Variants in ARHGAP29 observed in about 807,000 individuals in gnomAD.
The protein encoded by ARHGAP29 is rho GTPase-activating protein 29.
In ARHGAP29, 43 loss-of-function variants were observed where a neutral mutation model predicts 122.6. The observed-to-expected ratio is 0.35, with a 90% CI of 0.27 to 0.45. ARHGAP29 has a LOEUF of 0.45. Ranked by LOEUF, ARHGAP29 falls within the 20% of genes least tolerant of loss-of-function variation. The pLI is 1.00. For missense variants in ARHGAP29, 1,303 were observed against 1,477.2 expected, an observed-to-expected ratio of 0.88 and a Z score of 1.93; for synonymous variants, 506 against 497.1, an observed-to-expected ratio of 1.02 and a Z score of -0.24.
At chr1:94,292,749 G>A in the ARHGAP29 span, among the ~76,000 whole-genome samples, 116 of 152,280 alleles carry the variant, frequency 7.6e-4, no homozygotes, top group African/African-American at 2.6e-3. Context: ...CTGGAGGTCC[G>A]CTCCAGACCG....
chr1:94,289,142 G>T, the ARHGAP29 span, among the ~76,000 whole-genome samples: 1 of 152,136 alleles, frequency 6.6e-6, no homozygotes, highest in African/African-American at 2.4e-5. Context: ...TCTTCCATTT[G>T]TTTGTGTCCT....
rs545976707 is a variant in ARHGAP29 at position 94,173,014 on chromosome 1, G to A, written c.*855C>T. On this transcript the variant is annotated 3_prime_UTR_variant, in exon 23 of 23. Coordinates refer to ENST00000260526, the MANE Select transcript of ARHGAP29 (RefSeq NM_004815.4). ...TGGTTTTAACCCAGACAAATCAAGA[G>A]GAAATGCACTGAATTCAAAAACTTC... 2 of 152,628 alleles carry A rather than the reference G, an allele frequency of 1.3e-5. No individual in the cohort carries two copies. The highest frequency in any genetic ancestry group is 3.9e-4 in the East Asian group (2 of 5,184). 9.5% of individuals were successfully genotyped at this position (152,628 alleles called of 1,614,324 possible).
At chr1:94,248,175 T>C (rs568813596) in intron 1 of ARHGAP29, 1 of 152,354 alleles carries the variant, frequency 6.6e-6, no homozygotes, top group East Asian at 1.9e-4. Flanking sequence ...CCCACTCTTT[T>C]CTGTCTTCAA....
intron 2 of ARHGAP29, among the ~76,000 whole-genome samples, chr1:94,225,028 T>C (rs756795125): frequency 3.3e-5 from 5 of 152,098 alleles, no homozygotes; most frequent in South Asian, 2.1e-4. Context: ...AAAAAGGTAA[T>C]CACAAAGGTT....
intron 12 of ARHGAP29, among the ~76,000 whole-genome samples, chr1:94,196,666 A>G (rs966590358): frequency 2.4e-4 from 36 of 152,176 alleles, no homozygotes; most frequent in Admixed American, 1.3e-4. Flanking sequence ...TTTAAGAGAA[A>G]TGTAATCATA....
upstream of ARHGAP29, among the ~76,000 whole-genome samples, chr1:94,241,372 T>C (rs11588844): frequency 0.88 from 134,420 of 152,092 alleles, 59,607 homozygotes; most frequent in Non-Finnish European, 0.92. Context: ...TCCCAGCACG[T>C]TGGGAGGCCG....
chr1:94,173,536 G>T lies in ARHGAP29; in HGVS notation c.*333C>A, dbSNP rs1648884169. ...TGATTTTCCCAAATTGCACCTATTAGTTGAGACTATATCATATATTAGGGA... is the reference window on the plus strand; with the variant it reads ...TGATTTTCCCAAATTGCACCTATTATTTGAGACTATATCATATATTAGGGA... On this transcript the variant is annotated 3_prime_UTR_variant, in exon 23 of 23. Transcript: ENST00000260526. The T allele has an allele frequency of 5.1e-6, 1 of 197,434 alleles. No homozygotes were observed. The highest frequency in any genetic ancestry group is 1.2e-4 in the East Asian group (1 of 8,674). 12.2% of individuals were successfully genotyped at this position (197,434 alleles called of 1,614,324 possible).
At chr1:94,291,029 C>G in the ARHGAP29 span, among the ~76,000 whole-genome samples, 6 of 152,094 alleles carry the variant, frequency 3.9e-5, no homozygotes, top group Admixed American at 3.9e-4. Flanking sequence ...GTTAAAGTCT[C>G]CCATTATTAT....
In ARHGAP29 at chr1:94,220,402, G is replaced by T. The variant is rs1289242907; in HGVS notation, c.206-10C>A. The T allele has an allele frequency of 2.0e-6, 3 of 1,536,124 alleles. No homozygotes were observed. Among genetic ancestry groups the T allele is most frequent in the Non-Finnish European group, 2.6e-6 (3 of 1,139,820 alleles). ...ACTTCTTTAAAACAGTCTTTAAAAA[G>T]AAAAAAAAATAATTTATTTCCAGAG... is the stretch of plus-strand genomic sequence containing the variant. On this transcript the variant is annotated splice_polypyrimidine_tract_variant and intron_variant, in intron 2 of 22. Transcript: ENST00000260526.
intron 2 of ARHGAP29, among the ~76,000 whole-genome samples, chr1:94,226,501 G>A (rs1476970147): frequency 2.0e-5 from 3 of 151,730 alleles, no homozygotes; most frequent in African/African-American, 7.3e-5. Flanking sequence ...AGGTATCCTG[G>A]GTCTAGAACT....
the ARHGAP29 span, among the ~76,000 whole-genome samples, chr1:94,311,266 C>T: frequency 6.6e-6 from 1 of 152,124 alleles, no homozygotes; most frequent in African/African-American, 2.4e-5. Flanking sequence ...TAATGTCTTT[C>T]CTTCTAAAGG....
the ARHGAP29 span, among the ~76,000 whole-genome samples, chr1:94,281,175 A>T: frequency 1.3e-5 from 2 of 152,246 alleles, no homozygotes; most frequent in Admixed American, 6.5e-5. Flanking sequence ...TGGTGTATAC[A>T]TGCATCTTAG....
At chr1:94,222,689 T>A (rs1482847109) in intron 2 of ARHGAP29, among the ~76,000 whole-genome samples, 1 of 152,158 alleles carries the variant, frequency 6.6e-6, no homozygotes, top group African/African-American at 2.4e-5. Context: ...AGGAAATCTA[T>A]GGAAATCTGA....
chr1:94,232,229 T>C (rs895848617), intron 1 of ARHGAP29, among the ~76,000 whole-genome samples: 1 of 147,070 alleles, frequency 6.8e-6, no homozygotes, highest in African/African-American at 2.5e-5. Flanking sequence ...ATTTATAAAA[T>C]GGGAGTAACA....
At chr1:94,210,375 C>T (rs533291958) in intron 3 of ARHGAP29, among the ~76,000 whole-genome samples, 6 of 152,296 alleles carry the variant, frequency 3.9e-5, no homozygotes, top group African/African-American at 1.4e-4. Context: ...ATTCAGATTT[C>T]ATAGGTACGT....
At chr1:94,237,183 G>A (rs1466519438) in intron 1 of ARHGAP29, among the ~76,000 whole-genome samples, 1 of 152,152 alleles carries the variant, frequency 6.6e-6, no homozygotes, top group Non-Finnish European at 1.5e-5. Context: ...TCCCCAGCTC[G>A]TCCGCGCCTC....
intron 20 of ARHGAP29, 52 bp from the exon 21 acceptor site, chr1:94,178,219 T>C (rs1649231641): frequency 2.0e-6 from 3 of 1,532,262 alleles, no homozygotes; most frequent in South Asian, 1.3e-5. Flanking sequence ...TAGAGTTCCT[T>C]GACTGTAGTT....
Position 94,198,916 on chromosome 1 carries a change from C to A in ARHGAP29, c.1281+2804G>T, listed in dbSNP as rs577260173. Among the ~76,000 whole-genome samples the A allele has an allele frequency of 3.9e-5, 6 of 152,196 alleles. 1 individual carries two copies. The South Asian group carries it at 1.0e-3, about 26-fold the overall frequency. Reference sequence around the variant, plus strand: ...CTATAAAAGAATAAAGCTGGAAGACCCACACTGTGTACCTGATTTTAAGAC... The same window carrying A: ...CTATAAAAGAATAAAGCTGGAAGACACACACTGTGTACCTGATTTTAAGAC... On this transcript the variant is annotated intron_variant, in intron 12 of 22. Coordinates refer to ENST00000260526, the MANE Select transcript of ARHGAP29 (RefSeq NM_004815.4).
chr1:94,295,880 A>C, the ARHGAP29 span, among the ~76,000 whole-genome samples: 1 of 152,212 alleles, frequency 6.6e-6, no homozygotes, highest in South Asian at 2.1e-4. Flanking sequence ...ACCCTGAGGC[A>C]AGAAACAGTG....
Sources: allele counts gnomAD v4.1 joint callset (sites outside exome capture counted in the v4.1 genomes callset), GRCh38; gene constraint gnomAD v4.1.1; transcripts MANE v1.5; gene names NCBI Gene and HGNC (gene_info 2026-07-23, HGNC 2026-07-21).